The following P4HTM variants were observed in gnomAD, a reference collection of about 807,000 sequenced individuals.
P4HTM encodes transmembrane prolyl 4-hydroxylase.
P4HTM carries 33 observed loss-of-function variants against 55.3 expected under a neutral mutation model. The ratio of observed to expected loss-of-function variants is 0.60; its 90% CI spans 0.45 to 0.80. The LOEUF (loss-of-function observed/expected upper bound fraction) is 0.80, where lower values mean the gene tolerates loss of function less well. Ranked by LOEUF, P4HTM falls within the 30% of genes least tolerant of loss-of-function variation. The pLI is 0.00. For synonymous variants in P4HTM, 272 were observed against 286.4 expected, an observed-to-expected ratio of 0.95 and a Z score of 0.51; for missense variants, 542 against 696.5, an observed-to-expected ratio of 0.78 and a Z score of 2.50.
chr3:48,992,298 T>A (rs772400036), intron 2 of P4HTM: 1 of 152,112 alleles, frequency 6.6e-6, no homozygotes, highest in Non-Finnish European at 1.5e-5. Context: ...CTTTTTTCTT[T>A]TTTGCCAACA....
At chr3:48,990,138 C>G, upstream of P4HTM, 1 of 978,168 alleles carries the variant, frequency 1.0e-6, no homozygotes, top group Non-Finnish European at 1.2e-6. The surrounding 1 kb of genome is among the most constrained non-coding windows in gnomAD (Gnocchi z 7.2). Context: ...CTCAGCACCC[C>G]CAGGCACCGT....
chr3:48,990,099 C>T (rs531438423), upstream of P4HTM: 2 of 611,016 alleles, frequency 3.3e-6, no homozygotes, highest in Non-Finnish European at 4.2e-6. The surrounding 1 kb of genome is among the most constrained non-coding windows in gnomAD (Gnocchi z 7.2). Flanking sequence ...AGGCCGAGCC[C>T]GGCGCGGACG....
intron 5 of P4HTM, 103 bp from the exon 6 acceptor site, chr3:49,004,758 G>T: frequency 8.3e-7 from 1 of 1,210,100 alleles, no homozygotes; most frequent in Non-Finnish European, 1.2e-6. Context: ...AGGGGAGGTG[G>T]GTAGGGGCAA....
At chr3:49,004,581 TTCC>T (rs2092970967) in intron 5 of P4HTM, 1 of 558,380 alleles carries the variant, frequency 1.8e-6, no homozygotes, top group African/African-American at 1.9e-5. Context: ...AACAACTTTC[TTCC>T]AGGGAGGAGG....
chr3:49,004,746 C>T, intron 5 of P4HTM, 115 bp from the exon 6 acceptor site: 1 of 1,057,100 alleles, frequency 9.5e-7, no homozygotes. Context: ...TAAGGGACTT[C>T]CAGGGGAGGT....
chr3:48,999,299 T>A lies in P4HTM; in HGVS notation c.437-2139T>A, dbSNP rs1257184646. 6.6e-6 allele frequency: 1 copy of A among 152,314 alleles called. No individual in the cohort carries two copies. The highest frequency in any genetic ancestry group is 1.5e-5 in the Non-Finnish European group (1 of 68,056). The allele number at this position is 152,314 out of a possible 1,614,324, so 9.4% of individuals were successfully genotyped here. A position where few individuals can be genotyped will look rare whatever the true frequency, so the allele number is the denominator to read the frequency against. On this transcript the variant is annotated intron_variant, in intron 2 of 8. Transcript: ENST00000383729. The surrounding 1 kb of genome is among the most constrained non-coding windows in gnomAD (Gnocchi z 4.8). ...GCAGAGGAAGAGGCGGGCATCGGGGTGGCACTCCCAGGCAAGCAGGAGCAG... is the reference window on the plus strand; with the variant it reads ...GCAGAGGAAGAGGCGGGCATCGGGGAGGCACTCCCAGGCAAGCAGGAGCAG...
At chr3:49,004,745 T>A in intron 5 of P4HTM, 116 bp from the exon 6 acceptor site, 2 of 1,050,712 alleles carry the variant, frequency 1.9e-6, no homozygotes, top group Non-Finnish European at 2.8e-6. Context: ...TTAAGGGACT[T>A]CCAGGGGAGG....
chr3:48,995,867 T>C (rs1481636615), intron 2 of P4HTM, among the ~76,000 whole-genome samples: 1 of 152,166 alleles, frequency 6.6e-6, no homozygotes, highest in Non-Finnish European at 1.5e-5. Flanking sequence ...ATTACAGGCA[T>C]AAGCCTCCGT....
chr3:48,995,798 C>T (rs2092943896), intron 2 of P4HTM, among the ~76,000 whole-genome samples: 1 of 152,180 alleles, frequency 6.6e-6, no homozygotes, highest in African/African-American at 2.4e-5. Context: ...GTTGGCCAGG[C>T]TGGTCTCGAA....
rs772495029 is a variant in P4HTM, at chr3:49,004,221, G to A, written c.848G>A (p.Gly283Asp). The A allele has an allele frequency of 6.5e-7, 1 of 1,548,906 alleles. No individual in the cohort carries two copies. The highest frequency in any genetic ancestry group is 1.4e-5 in the African/African-American group (1 of 72,986). Residue 283 changes from glycine to aspartate, a missense_variant, in exon 5 of 9, where the codon GGT (glycine) becomes GAT (aspartate). Transcript: ENST00000383729. Reference sequence around the variant, plus strand: ...AGCCACCATACCTGGCTCTACCAGGGTGAGGGTGCCCACCACATCATGCGT... The same window carrying A: ...AGCCACCATACCTGGCTCTACCAGGATGAGGGTGCCCACCACATCATGCGT... ...RNSHHTWLYQ[G>D]EGAHHIMRAI...
chr3:48,990,070 TG>T, upstream of P4HTM: 1 of 330,394 alleles, frequency 3.0e-6, no homozygotes, highest in Non-Finnish European at 4.6e-6. This position sits in a 1 kb window ranked among gnomAD's most constrained non-coding sequence, Gnocchi z 7.2. Flanking sequence ...CAGCGTGGGC[TG>T]GGGCTCAAGG....
rs960434050 is a variant in P4HTM at position 48,999,579 on chromosome 3, G to A, written c.437-1859G>A. On this transcript the variant is annotated intron_variant, in intron 2 of 8. Coordinates refer to ENST00000383729, the MANE Select transcript of P4HTM (RefSeq NM_177939.3). This position sits in a 1 kb window ranked among gnomAD's most constrained non-coding sequence, Gnocchi z 4.8. ...TGAACTGAGGTTGAGGGTTTTATAG[G>A]GCTGTTCCTGCACCCAGGGAGCCAA... The A allele has an allele frequency of 1.2e-5, 2 of 167,314 alleles. No individual in the cohort carries two copies. The highest frequency in any genetic ancestry group is 6.5e-5 in the Admixed American group (1 of 15,288). The allele number at this position is 167,314 out of a possible 1,614,324, so 10.4% of individuals were successfully genotyped here. A position where few individuals can be genotyped will look rare whatever the true frequency, so the allele number is the denominator to read the frequency against.
intron 2 of P4HTM, among the ~76,000 whole-genome samples, chr3:48,996,967 C>T (rs1359246518): frequency 6.6e-6 from 1 of 152,198 alleles, no homozygotes; most frequent in Non-Finnish European, 1.5e-5. Flanking sequence ...AGACAGCTGC[C>T]TGGGAGCCTG....
Position 48,990,351 on chromosome 3 carries a change from C to A in P4HTM, c.95C>A (p.Ala32Asp). 6.4e-7 allele frequency: 1 copy of A among 1,551,494 alleles called. No homozygotes were observed. Among genetic ancestry groups the A allele is most frequent in the Non-Finnish European group, 8.6e-7 (1 of 1,156,890 alleles). ...TGGGCGCCGCCAGACCACTGCCAGG[C>A]TCAGGCGGCGGCCGGGCTGGGCGAC... ...PQWAPPDHCQ[A>D]QAAAGLGDGE... The change falls in exon 1 of 9, where the codon GCT (alanine) becomes GAT (aspartate). Residue 32 changes from alanine to aspartate, a missense_variant. Around this residue, in one of 2 missense-constraint regions of P4HTM, gnomAD observed 536 missense variants for 672.1 expected, o/e 0.80. Coordinates refer to ENST00000383729, the MANE Select transcript of P4HTM (RefSeq NM_177939.3). The surrounding 1 kb of genome is among the most constrained non-coding windows in gnomAD (Gnocchi z 7.2).
intron 2 of P4HTM, chr3:48,991,181 C>CA: frequency 2.2e-6 from 1 of 445,252 alleles, no homozygotes; most frequent in South Asian, 3.4e-5. Flanking sequence ...CACCTGTCTT[C>CA]CGTGCCACCA....
rs754460814 is a variant in P4HTM at position 49,004,816 on chromosome 3, C to A, written c.888-45C>A. 4 of 1,567,052 alleles carry A rather than the reference C, an allele frequency of 2.6e-6. 1 individual carries two copies. The highest frequency in any genetic ancestry group is 2.0e-4 in the Middle Eastern group (1 of 5,106). ...CACCTTGGCCAGCTCCTTCAGATCA[C>A]CACCTTGCCTGGGGCTGCCCAGCCA... is the stretch of plus-strand genomic sequence containing the variant. On this transcript the variant is annotated intron_variant, in intron 5 of 8. Transcript: ENST00000383729.
intron 4 of P4HTM, 171 bp from the exon 5 acceptor site, chr3:49,003,927 A>T: frequency 1.6e-6 from 1 of 611,878 alleles, no homozygotes; most frequent in East Asian, 2.9e-5. Flanking sequence ...GATGTGACAG[A>T]AACCAGGTTC....
chr3:49,004,738 A>G, intron 5 of P4HTM, 123 bp from the exon 6 acceptor site: 1 of 944,964 alleles, frequency 1.1e-6, no homozygotes, highest in East Asian at 2.4e-5. Flanking sequence ...AGATGGCTTA[A>G]GGGACTTCCA....
intron 7 of P4HTM, 86 bp downstream of exon 7, chr3:49,005,953 G>A: frequency 1.3e-6 from 2 of 1,539,996 alleles, no homozygotes; most frequent in Non-Finnish European, 1.8e-6. Flanking sequence ...TAAGGATGTG[G>A]GCCCAAATTA....
Sources: allele counts gnomAD v4.1 joint callset (sites outside exome capture counted in the v4.1 genomes callset), GRCh38; gene constraint gnomAD v4.1.1; regional missense constraint gnomAD v4.1.1; non-coding constraint Gnocchi (gnomAD v3.1); transcripts MANE v1.5; gene names NCBI Gene and HGNC (gene_info 2026-07-23, HGNC 2026-07-21).